Variants in ESYT2 observed in about 807,000 individuals in gnomAD.
ESYT2 encodes the protein extended synaptotagmin 2.
Under a neutral mutation model 107.2 loss-of-function variants are expected in ESYT2, and 54 were observed. The ratio of observed to expected loss-of-function variants is 0.50; its 90% confidence interval spans 0.40 to 0.63. The LOEUF is 0.63. ESYT2 is among the 30% of genes least tolerant of loss of function. The pLI is 0.00. For missense variants in ESYT2, 1,020 were observed against 1,094.5 expected (o/e 0.93, Z 0.96); for synonymous variants, 491 against 434.1 (o/e 1.13, Z -1.63).
At chr7:158,773,258 C>G in intron 7 of ESYT2, 83 bp downstream of exon 7, 1 of 1,468,356 alleles carries the variant, frequency 6.8e-7, no homozygotes, top group Non-Finnish European at 9.5e-7. Flanking sequence ...AGGTCTTAAC[C>G]ATTCTCACAC....
intron 6 of ESYT2, among the ~76,000 whole-genome samples, chr7:158,782,189 AC>A (rs1356156679): frequency 1.3e-5 from 2 of 150,946 alleles, no homozygotes; most frequent in African/African-American, 4.9e-5. Context: ...GTGTGAAAGA[AC>A]AAGTGAGAAC....
chr7:158,754,515 T>A (rs1370731251), intron 13 of ESYT2, among the ~76,000 whole-genome samples: 1 of 152,132 alleles, frequency 6.6e-6, no homozygotes, highest in Admixed American at 6.6e-5. Context: ...CCGGCCTTTT[T>A]TTTTTAAATG....
At chr7:158,758,034 T>C (rs914441264) in intron 13 of ESYT2, among the ~76,000 whole-genome samples, 1 of 152,168 alleles carries the variant, frequency 6.6e-6, no homozygotes, top group Non-Finnish European at 1.5e-5. Context: ...CAAATTGAAA[T>C]TGTAACAGGT....
At chr7:158,787,755 C>T (rs1839159165) in intron 6 of ESYT2, among the ~76,000 whole-genome samples, 1 of 152,166 alleles carries the variant, frequency 6.6e-6, no homozygotes. Context: ...CTAAGACCCA[C>T]CCTTCTGAAG....
chr7:158,777,796 C>G (rs1838622088), intron 6 of ESYT2, among the ~76,000 whole-genome samples: 1 of 152,100 alleles, frequency 6.6e-6, no homozygotes, highest in African/African-American at 2.4e-5. Context: ...TGTAATGCCC[C>G]AAAACGATTA....
intron 6 of ESYT2, among the ~76,000 whole-genome samples, chr7:158,778,703 G>A (rs1020742163): frequency 7.2e-5 from 11 of 152,080 alleles, no homozygotes; most frequent in South Asian, 2.1e-4. Context: ...AGCCTTTTGC[G>A]GGATGCAATG....
chr7:158,823,548 A>C (rs572722287), intron 1 of ESYT2, among the ~76,000 whole-genome samples: 19 of 151,958 alleles, frequency 1.3e-4, no homozygotes, highest in African/African-American at 3.4e-4. Flanking sequence ...GGATGGTCTC[A>C]ATCTCCTGAC....
intron 6 of ESYT2, among the ~76,000 whole-genome samples, chr7:158,776,118 T>C (rs1838552625): frequency 6.6e-6 from 1 of 152,176 alleles, no homozygotes; most frequent in South Asian, 2.1e-4. Context: ...GGGCTTAAAA[T>C]ATTTGGTAAA....
intron 3 of ESYT2, 58 bp from the exon 4 acceptor site, chr7:158,793,784 T>G (rs1839379176): frequency 7.7e-7 from 1 of 1,300,476 alleles, no homozygotes; most frequent in African/African-American, 1.5e-5. Flanking sequence ...AATCAAACCG[T>G]GTAACATACC....
At chr7:158,821,846 GCCACTGAACGT>G (rs1268698734) in intron 1 of ESYT2, among the ~76,000 whole-genome samples, 1 of 152,170 alleles carries the variant, frequency 6.6e-6, no homozygotes, top group Non-Finnish European at 1.5e-5. Flanking sequence ...TCGCGCTGTT[GCCACTGAACGT>G]AAGGCCATGC....
intron 7 of ESYT2, among the ~76,000 whole-genome samples, chr7:158,770,289 C>T (rs1045952795): frequency 1.3e-4 from 20 of 148,734 alleles, no homozygotes; most frequent in African/African-American, 4.6e-4. Context: ...ATTTTACGTA[C>T]ATATCTATTA....
intron 1 of ESYT2, among the ~76,000 whole-genome samples, chr7:158,820,388 C>T (rs562204213): frequency 1.7e-4 from 26 of 152,204 alleles, no homozygotes; most frequent in African/African-American, 6.3e-4. Flanking sequence ...ATGGTAAGCC[C>T]GTGACATAAT....
intron 1 of ESYT2, among the ~76,000 whole-genome samples, chr7:158,803,085 G>A (rs1839691255): frequency 6.6e-6 from 1 of 152,056 alleles, no homozygotes; most frequent in Admixed American, 6.5e-5. Context: ...AAGGAAGAAG[G>A]AATCTGAGTC....
chr7:158,793,567 A>G (rs1839372002), intron 4 of ESYT2, 83 bp downstream of exon 4: 1 of 985,974 alleles, frequency 1.0e-6, no homozygotes, highest in African/African-American at 1.6e-5. Flanking sequence ...ACGTGTGCTC[A>G]CTGTATCCTC....
intron 4 of ESYT2, among the ~76,000 whole-genome samples, chr7:158,789,443 G>A (rs1225665310): frequency 1.3e-5 from 2 of 152,034 alleles, no homozygotes; most frequent in African/African-American, 2.4e-5. Flanking sequence ...TGCAACGGCC[G>A]CTATCTGGGT....
chr7:158,744,698 C>T (rs1837339256), intron 16 of ESYT2, among the ~76,000 whole-genome samples: 1 of 152,140 alleles, frequency 6.6e-6, no homozygotes, highest in Non-Finnish European at 1.5e-5. Flanking sequence ...TGCATTATCT[C>T]TGCAACAGGA....
At chr7:158,798,275 T>C (rs893235952) in intron 2 of ESYT2, among the ~76,000 whole-genome samples, 199 bp from the exon 3 acceptor site, 2 of 152,184 alleles carry the variant, frequency 1.3e-5, no homozygotes, top group African/African-American at 4.8e-5. Context: ...AACCAATATG[T>C]TGCAGGAACT....
chr7:158,746,255 C>T (rs1489059364), intron 16 of ESYT2, among the ~76,000 whole-genome samples: 1 of 151,032 alleles, frequency 6.6e-6, no homozygotes, highest in African/African-American at 2.4e-5. Context: ...CACACACACA[C>T]GCCCCTCCAA....
intron 6 of ESYT2, among the ~76,000 whole-genome samples, chr7:158,775,092 A>G (rs1440685784): frequency 6.6e-6 from 1 of 152,232 alleles, no homozygotes; most frequent in East Asian, 1.9e-4. Context: ...ATATTGCAAC[A>G]TGTGAGTCAC....
Sources: gnomAD v4.1 joint callset for allele counts (sites outside exome capture counted in the v4.1 genomes callset) on GRCh38, gnomAD v4.1.1 for gene constraint, MANE v1.5 for transcripts, NCBI Gene and HGNC (gene_info 2026-07-23, HGNC 2026-07-21) for gene names.